The following PRKD3 variants were observed in gnomAD, a reference collection of about 807,000 sequenced individuals.
The protein encoded by PRKD3 is serine/threonine-protein kinase D3.
Under a neutral mutation model 99.2 loss-of-function variants are expected in PRKD3, and 47 were observed. That is an observed-to-expected ratio of 0.47 (90% CI 0.38 to 0.60). The LOEUF is 0.60. PRKD3 is among the 20% of genes least tolerant of loss of function. PRKD3 has a pLI of 0.00. For synonymous variants in PRKD3, 392 were observed against 355.4 expected (o/e 1.10, Z -1.16); for missense variants, 1,019 against 1,088.4 (o/e 0.94, Z 0.90).
chr2:37,271,860 C>T (rs867313725), intron 12 of PRKD3, among the ~76,000 whole-genome samples: 5 of 152,242 alleles, frequency 3.3e-5, no homozygotes, highest in Middle Eastern at 6.8e-3. Context: ...AAAAAGTTTA[C>T]GGAAAAAGTT....
At chr2:37,263,889 G>C (rs34819784) in intron 14 of PRKD3, among the ~76,000 whole-genome samples, 49,265 of 151,738 alleles carry the variant, frequency 0.32, 8,958 homozygotes, top group East Asian at 0.43. Flanking sequence ...TATAGCTTTG[G>C]GGTAGCTTCC....
rs770194180 is a variant in PRKD3, at chr2:37,279,914, C to T, written c.1004G>A (p.Gly335Glu). ...ATCCATTGGTATATCTGTATCTGTT[C>T]CCAGACTGGAAGGTTCTGGGAAAAT... ...VTFNGEPSSL[G>E]TDTDIPMDID... Residue 335 changes from glycine (G) to glutamate (E), a missense_variant, in exon 8 of 19, where the codon GGA (glycine) becomes GAA (glutamate). Around this residue, in one of 3 missense-constraint regions of PRKD3, gnomAD observed 710 missense variants for 692.7 expected, o/e 1.02. Transcript: ENST00000234179. 2 of 1,603,688 alleles carry T rather than the reference C, an allele frequency of 1.2e-6. No individual in the cohort carries two copies. The highest frequency in any genetic ancestry group is 1.7e-5 in the Admixed American group (1 of 58,346).
At chr2:37,320,423 C>CTTTTTTT (rs35158902) in intron 1 of PRKD3, among the ~76,000 whole-genome samples, 1 of 78,126 alleles carries the variant, frequency 1.3e-5, no homozygotes, top group African/African-American at 5.1e-5. Context: ...AAGTTAACGA[C>CTTTTTTT]TTTTTTTTTT....
chr2:37,296,313 AAAT>A (rs1670671581), intron 2 of PRKD3, among the ~76,000 whole-genome samples: 1 of 152,228 alleles, frequency 6.6e-6, no homozygotes, highest in Non-Finnish European at 1.5e-5. Flanking sequence ...GCCTAATGAA[AAAT>A]AATATCAACA....
chr2:37,278,197 T>C (rs1669666543), intron 8 of PRKD3: 2 of 289,588 alleles, frequency 6.9e-6, no homozygotes, highest in East Asian at 1.4e-4. Flanking sequence ...TCCTATTTAC[T>C]TGTCATGAAT....
Position 37,275,820 on chromosome 2 carries a change from C to T in PRKD3, c.1321G>A (p.Asp441Asn). ...NLRKRHYWRLDSKCLTLFQNE... is the reference protein window; with the variant it reads ...NLRKRHYWRLNSKCLTLFQNE... ...TGAAATAATGTTAGACATTTGCTGT[C>T]AAGTCTCCAATAATGCCTCTTTCTC... Residue 441 changes from aspartate to asparagine, a missense_variant, in exon 10 of 19, where the codon GAC becomes AAC. Asp to Asn is a conservative substitution (Grantham distance 23). This residue lies in a region of PRKD3 where 710 missense variants were observed against 692.7 expected (regional missense o/e 1.02). Coordinates refer to ENST00000234179, the MANE Select transcript of PRKD3 (RefSeq NM_005813.6). The T allele has an allele frequency of 6.2e-7, 1 of 1,608,318 alleles. No individual in the cohort carries two copies. The highest frequency in any genetic ancestry group is 8.5e-7 in the Non-Finnish European group (1 of 1,177,400).
chr2:37,268,238 A>T (rs938743052), intron 13 of PRKD3: 7 of 457,054 alleles, frequency 1.5e-5, no homozygotes, highest in Non-Finnish European at 3.2e-5. Flanking sequence ...CAATGGCACA[A>T]TCGTAAGTCT....
chr2:37,272,444 A>C lies in PRKD3; in HGVS notation c.1652-12T>G, dbSNP rs375179724. 23 of 1,597,310 alleles carry C rather than the reference A, an allele frequency of 1.4e-5. No individual in the cohort carries two copies. Among genetic ancestry groups the C allele is most frequent in the Non-Finnish European group, 1.9e-5 (22 of 1,174,800 alleles). On this transcript the variant is annotated splice_polypyrimidine_tract_variant and intron_variant, in intron 11 of 18. Transcript: ENST00000234179. The stretch of plus-strand genomic sequence containing the variant: ...TGTAGACAAATCTTCTGTAAAATAT[A>C]AAAAAGACAAAATTTAGTATATGAC...
At chr2:37,296,200 C>G (rs1407229333) in intron 2 of PRKD3, among the ~76,000 whole-genome samples, 1 of 152,080 alleles carries the variant, frequency 6.6e-6, no homozygotes, top group Non-Finnish European at 1.5e-5. Flanking sequence ...ATAATGGTAA[C>G]TGAAGACCTA....
chr2:37,317,744 G>A (rs1671726428), intron 1 of PRKD3: 1 of 152,146 alleles, frequency 6.6e-6, no homozygotes, highest in Admixed American at 6.5e-5. Context: ...AAGTGTGAAA[G>A]CTGACATACT....
In PRKD3 at chr2:37,287,278, A is replaced by G. The variant is rs570863114; in HGVS notation, c.718-909T>C. 3.3e-4 allele frequency among the ~76,000 whole-genome samples: 49 copies of G among 147,142 alleles called. No homozygotes were observed. In the East Asian group the frequency reaches 9.2e-3, roughly 28 times the overall value. The stretch of plus-strand genomic sequence containing the variant: ...AAAAAAAAAAAAAAAGAAAAAGAAA[A>G]AGAAAAAGAAAAATACCTGCCTACA... On this transcript the variant is annotated intron_variant, in intron 5 of 18. Transcript: ENST00000234179.
At chr2:37,263,072 C>G (rs891955935) in intron 14 of PRKD3, among the ~76,000 whole-genome samples, 1 of 151,908 alleles carries the variant, frequency 6.6e-6, no homozygotes, top group East Asian at 1.9e-4. Flanking sequence ...TTATTCCTTT[C>G]TGCTTTCTTT....
chr2:37,251,909 G>A lies in PRKD3; in HGVS notation c.*1268C>T, dbSNP rs1427878368. The A allele has an allele frequency of 5.9e-5, 9 of 152,002 alleles. No individual in the cohort carries two copies. Among genetic ancestry groups the A allele is most frequent in the Non-Finnish European group, 1.3e-4 (9 of 67,998 alleles). 9.4% of individuals were successfully genotyped at this position (152,002 alleles called of 1,614,324 possible). On this transcript the variant is annotated 3_prime_UTR_variant, in exon 19 of 19. Coordinates refer to ENST00000234179, the MANE Select transcript of PRKD3 (RefSeq NM_005813.6). ...AAAAAAAAGGTTTACAATGATTACT[G>A]AGAAATGAAGAAATAAGCCACTGTT...
In PRKD3 at chr2:37,251,602, T is replaced by A. The variant is rs556017911; in HGVS notation, c.*1575A>T. 6.6e-6 allele frequency: 1 copy of A among 152,350 alleles called. No homozygotes were observed. The highest frequency in any genetic ancestry group is 2.4e-5 in the African/African-American group (1 of 41,424). 9.4% of individuals were successfully genotyped at this position (152,350 alleles called of 1,614,324 possible). ...TCGAAAGGCCTTCTCAGTCTGTTCA[T>A]GTACCAGAACATTCTTTTTTTTTTT... On this transcript the variant is annotated 3_prime_UTR_variant, in exon 19 of 19. Coordinates refer to ENST00000234179, the MANE Select transcript of PRKD3 (RefSeq NM_005813.6).
chr2:37,320,004 G>A (rs1169946869), intron 1 of PRKD3, among the ~76,000 whole-genome samples: 1 of 152,208 alleles, frequency 6.6e-6, no homozygotes, highest in Non-Finnish European at 1.5e-5. Context: ...CTGGCTAACA[G>A]TAAGTGCTCA....
At chr2:37,259,732 C>T in intron 15 of PRKD3, 51 bp from the exon 16 acceptor site, 1 of 1,209,670 alleles carries the variant, frequency 8.3e-7, no homozygotes, top group East Asian at 2.4e-5. Context: ...CACAAGTAAA[C>T]CTCATGTGAC....
intron 1 of PRKD3, among the ~76,000 whole-genome samples, chr2:37,323,535 G>C (rs999118377): frequency 6.6e-6 from 1 of 151,968 alleles, no homozygotes; most frequent in Non-Finnish European, 1.5e-5. Flanking sequence ...GAATCTAACA[G>C]GGAAGGAAGC....
intron 14 of PRKD3, among the ~76,000 whole-genome samples, chr2:37,265,089 G>C (rs1668746865): frequency 6.6e-6 from 1 of 152,176 alleles, no homozygotes; most frequent in African/African-American, 2.4e-5. Flanking sequence ...TAGGGATGCA[G>C]GTAAAGGTAT....
At chr2:37,279,329 A>C (rs1181742806) in intron 8 of PRKD3, 1 of 153,222 alleles carries the variant, frequency 6.5e-6, no homozygotes, top group East Asian at 1.9e-4. Context: ...CATCACCATT[A>C]TCCTTGTGCA....
Sources: allele counts gnomAD v4.1 joint callset (sites outside exome capture counted in the v4.1 genomes callset), GRCh38; gene constraint gnomAD v4.1.1; regional missense constraint gnomAD v4.1.1; transcripts MANE v1.5; gene names NCBI Gene and HGNC (gene_info 2026-07-23, HGNC 2026-07-21).